TINAG: variants seen among roughly 807,000 people sequenced by gnomAD.
TINAG encodes tubulointerstitial nephritis antigen.
TINAG carries 83 observed loss-of-function variants against 72.7 expected under a neutral mutation model. The ratio of observed to expected loss-of-function variants is 1.14; its 90% CI spans 0.96 to 1.37. TINAG has a LOEUF of 1.37. Among genes scored for constraint, TINAG ranks in the 40% most tolerant of loss-of-function variants. The pLI, the probability that TINAG is intolerant of heterozygous loss-of-function variation, is 0.00. For synonymous variants in TINAG, 234 were observed against 189.9 expected, an observed-to-expected ratio of 1.23 and a Z score of -1.91; for missense variants, 685 against 576.6, an observed-to-expected ratio of 1.19 and a Z score of -1.93.
At position 54,333,428 on chromosome 6, in the gene TINAG, G is replaced by A. The variant is rs1031205237; in HGVS notation, c.624+6512G>A. Among the ~76,000 whole-genome samples, 12 of 151,692 alleles carry A rather than the reference G, an allele frequency of 7.9e-5. No homozygotes were observed. In the East Asian group the frequency reaches 2.1e-3, roughly 27 times the overall value. On this transcript the variant is annotated intron_variant, in intron 4 of 10. Transcript: ENST00000259782. ...TGGGAGTTGAACAATAAGGACATAC[G>A]AGCACAGGGAGGGGAACATCATGCA...
intron 3 of TINAG, among the ~76,000 whole-genome samples, chr6:54,324,236 G>C (rs1342507256): frequency 6.6e-6 from 1 of 152,140 alleles, no homozygotes; most frequent in Non-Finnish European, 1.5e-5. Flanking sequence ...GTTCAACTGA[G>C]GCTCTTTTGC....
At chr6:54,388,307 T>C (rs1023417488) in intron 10 of TINAG, among the ~76,000 whole-genome samples, 1 of 152,178 alleles carries the variant, frequency 6.6e-6, no homozygotes, top group Non-Finnish European at 1.5e-5. Flanking sequence ...CAAAGTCCAT[T>C]TCATCTTTGA....
intron 4 of TINAG, among the ~76,000 whole-genome samples, chr6:54,341,696 C>T (rs1320886952): frequency 2.0e-5 from 3 of 151,832 alleles, no homozygotes; most frequent in Admixed American, 1.3e-4. Context: ...TTGCAAGATA[C>T]CAACCAGATC....
In TINAG at chr6:54,343,113, T is replaced by C. The variant is rs577059808; in HGVS notation, c.625-113T>C. On this transcript the variant is annotated intron_variant, in intron 4 of 10. Coordinates refer to ENST00000259782, the MANE Select transcript of TINAG (RefSeq NM_014464.4). ...CATAGCTGTAGTTCATCTGGAAACTTGGATGTATAAAATAATTTAAAAAAT... is the reference window on the plus strand; with the variant it reads ...CATAGCTGTAGTTCATCTGGAAACTCGGATGTATAAAATAATTTAAAAAAT... The C allele has an allele frequency of 3.2e-4, 307 of 955,738 alleles. 2 individuals are homozygous for C. In the South Asian group the frequency reaches 0.01, roughly 33 times the overall value. 59.2% of individuals were successfully genotyped at this position (955,738 alleles called of 1,614,324 possible).
rs1365267430 is a variant in TINAG, at chr6:54,324,033, A to T, written c.509+2647A>T. Among the ~76,000 whole-genome samples the T allele has an allele frequency of 3.3e-5, 5 of 152,182 alleles. No individual in the cohort carries two copies. In the South Asian group the frequency reaches 1.0e-3, roughly 32 times the overall value. Reference sequence around the variant, plus strand: ...GAGGAGCCAACACTATCATATCTTTATAAAAGGATTTCTAATAATAGGGGA... The same window carrying T: ...GAGGAGCCAACACTATCATATCTTTTTAAAAGGATTTCTAATAATAGGGGA... On this transcript the variant is annotated intron_variant, in intron 3 of 10. Coordinates refer to ENST00000259782, the MANE Select transcript of TINAG (RefSeq NM_014464.4).
chr6:54,347,897 G>A (rs2150958275), intron 6 of TINAG, among the ~76,000 whole-genome samples: 1 of 151,984 alleles, frequency 6.6e-6, no homozygotes, highest in South Asian at 2.1e-4. Flanking sequence ...GATAATGTCA[G>A]GTAAAATTAG....
chr6:54,347,162 T>C (rs762241168), intron 5 of TINAG, among the ~76,000 whole-genome samples: 7 of 152,044 alleles, frequency 4.6e-5, no homozygotes, highest in Non-Finnish European at 7.4e-5. Flanking sequence ...AATTGAGTAA[T>C]ATCAAAATAG....
intron 10 of TINAG, among the ~76,000 whole-genome samples, chr6:54,382,935 A>C (rs1763994271): frequency 6.6e-6 from 1 of 152,128 alleles, no homozygotes; most frequent in East Asian, 1.9e-4. Context: ...TAGGAATATA[A>C]ACATATCTTT....
intron 3 of TINAG, among the ~76,000 whole-genome samples, chr6:54,322,344 C>A (rs1186455338): frequency 7.0e-6 from 1 of 143,474 alleles, no homozygotes; most frequent in African/African-American, 2.9e-5. Context: ...AAAAAAAAAA[C>A]AAGAAACATA....
intron 4 of TINAG, among the ~76,000 whole-genome samples, chr6:54,338,626 A>G (rs963854344): frequency 1.4e-5 from 2 of 147,888 alleles, no homozygotes; most frequent in African/African-American, 5.0e-5. Flanking sequence ...CGGGAGGCTG[A>G]GGCAGGAGAA....
At chr6:54,358,143 A>C (rs531059407) in intron 9 of TINAG, among the ~76,000 whole-genome samples, 1 of 151,788 alleles carries the variant, frequency 6.6e-6, no homozygotes, top group Non-Finnish European at 1.5e-5. Flanking sequence ...GTCTCCACCC[A>C]GTCTCTGGTC....
At chr6:54,356,420 C>G (rs12195997) in intron 9 of TINAG, among the ~76,000 whole-genome samples, 22,512 of 151,672 alleles carry the variant, frequency 0.15, 1,848 homozygotes, top group Non-Finnish European at 0.18. Context: ...ACCTGTAATC[C>G]CAGCTACTCA....
chr6:54,308,876 C>A lies in TINAG; in HGVS notation c.326C>A (p.Pro109His). ...TTTTGCCGTGAAGAGAAAGAATGGC[C>A]TCCTCACACACAGCCTTGGTATCCA... ...KSFCREEKEW[P>H]PHTQPWYPEG... Residue 109 changes from proline (P) to histidine (H), a missense_variant, in exon 1 of 11, where the codon CCT (proline) becomes CAT (histidine). Physicochemically the swap from Pro to His is moderately conservative, Grantham distance 77 (BLOSUM62 -2). Transcript: ENST00000259782. 3 of 1,612,680 alleles carry A rather than the reference C, an allele frequency of 1.9e-6. No homozygotes were observed. The highest frequency in any genetic ancestry group is 2.5e-6 in the Non-Finnish European group (3 of 1,179,498).
intron 9 of TINAG, among the ~76,000 whole-genome samples, chr6:54,377,632 A>C (rs1347080168): frequency 2.0e-5 from 3 of 152,214 alleles, no homozygotes; most frequent in Non-Finnish European, 4.4e-5. Flanking sequence ...AATAGAGTAC[A>C]CATAGTTATA....
At chr6:54,373,288 C>T (rs1164151853) in intron 9 of TINAG, among the ~76,000 whole-genome samples, 3 of 152,062 alleles carry the variant, frequency 2.0e-5, no homozygotes, top group East Asian at 1.9e-4. Flanking sequence ...AAAACTTTCA[C>T]GATTTCTCTG....
chr6:54,320,156 C>T (rs1212905897), intron 1 of TINAG, among the ~76,000 whole-genome samples: 2 of 151,876 alleles, frequency 1.3e-5, no homozygotes, highest in Non-Finnish European at 1.5e-5. Flanking sequence ...ATTTTGAGTC[C>T]AAAGCTACTT....
chr6:54,332,194 A>T (rs1784757826), intron 4 of TINAG, among the ~76,000 whole-genome samples: 1 of 152,202 alleles, frequency 6.6e-6, no homozygotes, highest in Non-Finnish European at 1.5e-5. Flanking sequence ...AGATGGAGGC[A>T]TCATGCTACC....
At chr6:54,326,114 T>C (rs1784596400) in intron 3 of TINAG, among the ~76,000 whole-genome samples, 1 of 152,052 alleles carries the variant, frequency 6.6e-6, no homozygotes, top group African/African-American at 2.4e-5. Flanking sequence ...ATTTTGTTTG[T>C]CTTCAAATTT....
chr6:54,322,483 T>G (rs2150937232), intron 3 of TINAG, among the ~76,000 whole-genome samples: 1 of 152,348 alleles, frequency 6.6e-6, no homozygotes, highest in East Asian at 1.9e-4. Flanking sequence ...GATAACATCT[T>G]CTACATTTCT....
Sources: allele counts gnomAD v4.1 joint callset (sites outside exome capture counted in the v4.1 genomes callset), GRCh38; gene constraint gnomAD v4.1.1; transcripts MANE v1.5; gene names NCBI Gene and HGNC (gene_info 2026-07-23, HGNC 2026-07-21).